Variants in YIPF6 observed in about 807,000 individuals in gnomAD.
YIPF6 encodes Yip1 domain family member 6.
In YIPF6, 3 loss-of-function variants were observed where a neutral mutation model predicts 16.8. The observed-to-expected ratio is 0.18, with a 90% CI of 0.08 to 0.46. The LOEUF is 0.46. YIPF6 is among the 20% of genes least tolerant of loss of function. The pLI, the probability that YIPF6 is intolerant of heterozygous loss-of-function variation, is 0.98. For missense variants in YIPF6, 145 were observed against 184.9 expected, an observed-to-expected ratio of 0.78 and a Z score of 1.25; for synonymous variants, 67 against 61.9, an observed-to-expected ratio of 1.08 and a Z score of -0.38.
chrX:68,501,336 G>C (rs1792905875), intron 1 of YIPF6, among the ~76,000 whole-genome samples: 1 of 112,494 alleles, frequency 8.9e-6, no homozygotes, highest in Admixed American at 9.5e-5. Context: ...GACTTCAAAG[G>C]ATGGGTAGGA....
intron 3 of YIPF6, among the ~76,000 whole-genome samples, chrX:68,518,338 G>A (rs1466684648): frequency 9.0e-6 from 1 of 110,798 alleles, no homozygotes; most frequent in Non-Finnish European, 1.9e-5. Context: ...AGCTAGGCAA[G>A]TCATTTCCTT....
rs1433725472 is a variant in YIPF6 at position 68,499,105 on chromosome X, A to T, written c.39A>T (p.Thr13=). Residue 13 remains threonine (T), a synonymous_variant, in exon 1 of 7, where the codon ACA becomes ACT. Transcript: ENST00000462683. ...EAEESPGDPG[T]ASPRPLFAGL... is the part of the protein sequence containing the mutation. ...AGGAGTCTCCAGGAGACCCGGGGAC[A>T]GCATCGCCCAGGCCCCTGGTGAGCT... is the stretch of plus-strand genomic sequence containing the variant. 8.4e-7 allele frequency: 1 copy of T among 1,186,261 alleles called. No individual in the cohort carries two copies. Among genetic ancestry groups the T allele is most frequent in the East Asian group, 3.1e-5 (1 of 32,140 alleles).
intron 1 of YIPF6, among the ~76,000 whole-genome samples, chrX:68,504,539 T>G (rs2079052843): frequency 9.0e-6 from 1 of 111,634 alleles, no homozygotes; most frequent in African/African-American, 3.3e-5. Flanking sequence ...ATATCAAAAA[T>G]ACTCCTCTGT....
intron 3 of YIPF6, among the ~76,000 whole-genome samples, chrX:68,518,228 C>A (rs561028260): frequency 1.9e-5 from 2 of 104,224 alleles, no homozygotes; most frequent in Non-Finnish European, 3.9e-5. Context: ...GCTGAGATTG[C>A]GCCATTGCAC....
At chrX:68,525,767 T>A (rs1298224019) in intron 6 of YIPF6, among the ~76,000 whole-genome samples, 1 of 112,050 alleles carries the variant, frequency 8.9e-6, no homozygotes, top group Non-Finnish European at 1.9e-5. Flanking sequence ...CTGGTTTTTA[T>A]CAGGCTTGTC....
intron 1 of YIPF6, among the ~76,000 whole-genome samples, chrX:68,499,614 C>A (rs1031182025): frequency 9.0e-6 from 1 of 111,494 alleles, no homozygotes; most frequent in African/African-American, 3.3e-5. Context: ...TTCTCTTCAC[C>A]ATACTTGTTC....
At chrX:68,501,297 A>G (rs975698049) in intron 1 of YIPF6, among the ~76,000 whole-genome samples, 1 of 112,490 alleles carries the variant, frequency 8.9e-6, no homozygotes, top group Non-Finnish European at 1.9e-5. Context: ...GGGGTGACCA[A>G]GCTACATGGT....
intron 1 of YIPF6, among the ~76,000 whole-genome samples, chrX:68,504,144 G>A (rs745483834): frequency 8.9e-6 from 1 of 112,216 alleles, no homozygotes; most frequent in South Asian, 3.7e-4. Flanking sequence ...GAGATACACA[G>A]GGCGAGGTCT....
chrX:68,507,155 T>C (rs2079063022), intron 1 of YIPF6, among the ~76,000 whole-genome samples: 1 of 112,081 alleles, frequency 8.9e-6, no homozygotes, highest in South Asian at 3.7e-4. Flanking sequence ...AGTTCAGCAG[T>C]TGCAACAGAA....
Position 68,535,558 on chromosome X carries a change from G to A in YIPF6, c.*3559G>A. ...AATAAATGTATAAATGTTAATTCAT[G>A]TATATAAATTAGAAACACTTTTCTA... is the stretch of plus-strand genomic sequence containing the variant. On this transcript the variant is annotated 3_prime_UTR_variant, in exon 7 of 7. Coordinates refer to ENST00000462683, the MANE Select transcript of YIPF6 (RefSeq NM_173834.4). 1 of 111,714 alleles carries A rather than the reference G, an allele frequency of 9.0e-6. No individual in the cohort carries two copies. The highest frequency in any genetic ancestry group is 1.9e-5 in the Non-Finnish European group (1 of 53,215). 9.2% of individuals were successfully genotyped at this position (111,714 alleles called of 1,213,427 possible). A position where few individuals can be genotyped will look rare whatever the true frequency, so the allele number is the denominator to read the frequency against.
chrX:68,519,795 T>C (rs2079118798), intron 4 of YIPF6, among the ~76,000 whole-genome samples: 1 of 112,036 alleles, frequency 8.9e-6, no homozygotes, highest in South Asian at 3.7e-4. Context: ...TATATTAATT[T>C]AGGTAATAAT....
At chrX:68,504,632 A>G (rs916487762) in intron 1 of YIPF6, among the ~76,000 whole-genome samples, 2 of 112,404 alleles carry the variant, frequency 1.8e-5, no homozygotes, top group African/African-American at 6.5e-5. Context: ...TACAGTAGTG[A>G]CAGAACTGGA....
rs190491564 is a variant in YIPF6, at chrX:68,521,385, G to T, written c.322G>T (p.Asp108Tyr). 1 of 1,210,356 alleles carries T rather than the reference G, an allele frequency of 8.3e-7. No individual in the cohort carries two copies. The highest frequency in any genetic ancestry group is 1.1e-6 in the Non-Finnish European group (1 of 894,894). Residue 108 changes from aspartate (D) to tyrosine (Y), a missense_variant, in exon 5 of 7, where the codon GAC (aspartate) becomes TAC (tyrosine). By Grantham distance (160) the Asp-to-Tyr change is radical (BLOSUM62 -3). Coordinates refer to ENST00000462683, the MANE Select transcript of YIPF6 (RefSeq NM_173834.4). Reference sequence around the variant, plus strand: ...TCCTTTTCTCAGAATGCTGCAAAGAGACTCTGCAGATAGTGAAAAAGATGG... The same window carrying T: ...TCCTTTTCTCAGAATGCTGCAAAGATACTCTGCAGATAGTGAAAAAGATGG... ...CVTLALMLQR[D>Y]SADSEKDGGP...
intron 3 of YIPF6, among the ~76,000 whole-genome samples, 165 bp from the exon 4 acceptor site, chrX:68,518,605 A>G (rs1331363661): frequency 1.8e-5 from 2 of 111,614 alleles, no homozygotes; most frequent in African/African-American, 6.5e-5. Flanking sequence ...AAAGAAGTGC[A>G]TTCAGGATTA....
chrX:68,529,840 C>T (rs770316984), intron 6 of YIPF6, among the ~76,000 whole-genome samples: 1 of 111,782 alleles, frequency 8.9e-6, no homozygotes, highest in Non-Finnish European at 1.9e-5. Flanking sequence ...CTGCTCCTTC[C>T]TCTGGAATCT....
At chrX:68,530,665 G>A (rs2079167374) in intron 6 of YIPF6, among the ~76,000 whole-genome samples, 1 of 110,699 alleles carries the variant, frequency 9.0e-6, no homozygotes, top group African/African-American at 3.3e-5. Flanking sequence ...ATCTGGGCTG[G>A]AATGCACCGT....
rs1174058216 is a variant in YIPF6 at position 68,513,506 on chromosome X, C to A, written c.265+101C>A. The A allele has an allele frequency of 1.4e-5, 6 of 434,252 alleles. No individual in the cohort carries two copies. In the Admixed American group the frequency reaches 3.5e-4, roughly 26 times the overall value. 35.8% of individuals were successfully genotyped at this position (434,252 alleles called of 1,213,427 possible). A position where few individuals can be genotyped will look rare whatever the true frequency, so the allele number is the denominator to read the frequency against. The stretch of plus-strand genomic sequence containing the variant: ...GTCTCTGTGGTAATAAAACTGACAT[C>A]ATTTTGTAGGATAAAAAAATATGTA... On this transcript the variant is annotated intron_variant, in intron 3 of 6. Transcript: ENST00000462683.
chrX:68,519,957 A>G (rs906339108), intron 4 of YIPF6, among the ~76,000 whole-genome samples: 1 of 111,844 alleles, frequency 8.9e-6, no homozygotes, highest in Admixed American at 9.6e-5. Flanking sequence ...AACCCCACTT[A>G]GTTGCAGAGA....
chrX:68,531,433 G>A (rs948677024), intron 6 of YIPF6, among the ~76,000 whole-genome samples: 1 of 111,854 alleles, frequency 8.9e-6, no homozygotes, highest in Non-Finnish European at 1.9e-5. Flanking sequence ...TCAGAAGGGT[G>A]ATTCTTGATG....
Sources: gnomAD v4.1 joint callset for allele counts (sites outside exome capture counted in the v4.1 genomes callset) on GRCh38, gnomAD v4.1.1 for gene constraint, MANE v1.5 for transcripts, NCBI Gene and HGNC (gene_info 2026-07-23, HGNC 2026-07-21) for gene names.